Variants in CNTNAP2 observed in about 807,000 individuals in gnomAD.
CNTNAP2 encodes contactin associated protein 2, also known as contactin-associated protein-like 2.
CNTNAP2 carries 98 observed loss-of-function variants against 155.2 expected under a neutral mutation model. The ratio of observed to expected loss-of-function variants is 0.63; its 90% CI spans 0.54 to 0.75. The LOEUF (loss-of-function observed/expected upper bound fraction) is 0.75. Ranked by LOEUF, CNTNAP2 falls within the 30% of genes least tolerant of loss-of-function variation. The pLI, the probability that CNTNAP2 is intolerant of heterozygous loss-of-function variation, is 0.00. For missense variants in CNTNAP2, 1,727 were observed against 1,688.1 expected (o/e 1.02, Z -0.40); for synonymous variants, 651 against 631.2 (o/e 1.03, Z -0.47).
chr7:147,946,859 G>A (rs774589728), intron 14 of CNTNAP2, among the ~76,000 whole-genome samples: 4 of 152,154 alleles, frequency 2.6e-5, no homozygotes, highest in Non-Finnish European at 5.9e-5. Context: ...ATTAATAGGA[G>A]GAAAGGACAT....
chr7:148,334,085 C>T (rs535821921), intron 21 of CNTNAP2, among the ~76,000 whole-genome samples: 6 of 152,320 alleles, frequency 3.9e-5, no homozygotes, highest in Non-Finnish European at 4.4e-5. Context: ...AACAGCAGTT[C>T]TAGTGACTTC....
intron 21 of CNTNAP2, among the ~76,000 whole-genome samples, chr7:148,358,499 T>C (rs1177951): frequency 0.35 from 53,124 of 151,968 alleles, 9,692 homozygotes; most frequent in Non-Finnish European, 0.4. Flanking sequence ...CTGGCCTGCC[T>C]GTTCACCCGC....
intron 4 of CNTNAP2, among the ~76,000 whole-genome samples, chr7:147,093,562 T>C (rs1800460045): frequency 6.6e-6 from 1 of 152,166 alleles, no homozygotes; most frequent in South Asian, 2.1e-4. Context: ...TAGGTTTCAG[T>C]GAGCCTCTGG....
intron 13 of CNTNAP2, among the ~76,000 whole-genome samples, chr7:147,705,616 G>C (rs1584910431): frequency 6.6e-6 from 1 of 152,074 alleles, no homozygotes; most frequent in South Asian, 2.1e-4. Flanking sequence ...ATAATTATCT[G>C]TCTAGATGAT....
intron 1 of CNTNAP2, among the ~76,000 whole-genome samples, chr7:146,405,545 T>C (rs1245426346): frequency 6.6e-6 from 1 of 152,322 alleles, no homozygotes; most frequent in South Asian, 2.1e-4. Context: ...ATAACTAATA[T>C]TACACGTAGG....
intron 1 of CNTNAP2, among the ~76,000 whole-genome samples, chr7:146,206,125 A>G (rs1280627376): frequency 6.6e-6 from 1 of 151,956 alleles, no homozygotes; most frequent in African/African-American, 2.4e-5. Context: ...CAAAAATTAT[A>G]ACATAAGTTT....
intron 13 of CNTNAP2, among the ~76,000 whole-genome samples, chr7:147,830,475 T>G (rs851714): frequency 0.022 from 3,385 of 152,200 alleles, 136 homozygotes; most frequent in African/African-American, 0.077. Context: ...TTTCAGCATA[T>G]TAATTTGGTG....
At chr7:147,749,123 G>T (rs143074382) in intron 13 of CNTNAP2, among the ~76,000 whole-genome samples, 1 of 152,122 alleles carries the variant, frequency 6.6e-6, no homozygotes, top group African/African-American at 2.4e-5. Context: ...AAAGTCAAAA[G>T]AATAAAATAA....
chr7:146,235,225 C>CT lies in CNTNAP2; in HGVS notation c.97+118264dup, dbSNP rs879410253. On this transcript the variant is annotated intron_variant, in intron 1 of 23. Transcript: ENST00000361727. ...TTCACTTATTTTTCCTTTCTACATC[C>CT]TTTTTTTTTTTTAATTGGGAATCTT... Among the ~76,000 whole-genome samples the CT allele has an allele frequency of 7.7e-4, 112 of 145,034 alleles. 1 individual carries two copies. Among genetic ancestry groups the CT allele is most frequent in the South Asian group, 6.6e-4 (3 of 4,546 alleles).
chr7:147,699,048 C>G (rs1201474183), intron 13 of CNTNAP2, among the ~76,000 whole-genome samples: 1 of 151,916 alleles, frequency 6.6e-6, no homozygotes, highest in Non-Finnish European at 1.5e-5. Flanking sequence ...ATAAATTTGA[C>G]TACATGTAAA....
intron 1 of CNTNAP2, among the ~76,000 whole-genome samples, chr7:146,675,240 C>T (rs769111570): frequency 6.6e-6 from 1 of 152,096 alleles, no homozygotes; most frequent in Non-Finnish European, 1.5e-5. Flanking sequence ...TCCAAATTGG[C>T]CTTCTCCCGC....
chr7:146,313,426 T>G (rs1040093713), intron 1 of CNTNAP2, among the ~76,000 whole-genome samples: 1 of 152,228 alleles, frequency 6.6e-6, no homozygotes, highest in African/African-American at 2.4e-5. Flanking sequence ...ATGAGTTAAA[T>G]TCCTCATATG....
At chr7:148,119,783 A>G (rs1302091757) in intron 16 of CNTNAP2, among the ~76,000 whole-genome samples, 1 of 152,042 alleles carries the variant, frequency 6.6e-6, no homozygotes, top group East Asian at 1.9e-4. Flanking sequence ...GAATTTAAAT[A>G]CTCATAAGGC....
intron 14 of CNTNAP2, among the ~76,000 whole-genome samples, chr7:147,904,616 A>G (rs1345422384): frequency 6.6e-6 from 1 of 152,202 alleles, no homozygotes; most frequent in Non-Finnish European, 1.5e-5. Flanking sequence ...TGCTATTTAC[A>G]GGGACAGTTT....
chr7:147,920,018 G>T (rs191409489), intron 14 of CNTNAP2, among the ~76,000 whole-genome samples: 5 of 151,862 alleles, frequency 3.3e-5, no homozygotes, highest in Admixed American at 3.3e-4. Context: ...TCTCACATTG[G>T]TATAGAGTGA....
intron 9 of CNTNAP2, chr7:147,378,195 G>T: frequency 2.4e-5 from 7 of 291,568 alleles, no homozygotes; most frequent in East Asian, 1.0e-4. Context: ...TGACATTGTC[G>T]ATATTCAATC....
intron 4 of CNTNAP2, chr7:147,083,038 T>A (rs1262085877): frequency 1.3e-5 from 2 of 152,122 alleles, no homozygotes; most frequent in African/African-American, 2.4e-5. Flanking sequence ...CCTCTCATCC[T>A]CTCTCGCTGT....
At chr7:146,919,893 A>C (rs79711028) in intron 3 of CNTNAP2, among the ~76,000 whole-genome samples, 5,669 of 152,250 alleles carry the variant, frequency 0.037, 111 homozygotes, top group South Asian at 0.078. Context: ...CAAGTTTACA[A>C]TGTGGGTCTC....
chr7:146,349,211 C>T (rs1794874841), intron 1 of CNTNAP2, among the ~76,000 whole-genome samples: 1 of 152,154 alleles, frequency 6.6e-6, no homozygotes, highest in Admixed American at 6.5e-5. Flanking sequence ...AGAAATAAAT[C>T]ACAAGTTCTG....
Sources: gnomAD v4.1 joint callset for allele counts (sites outside exome capture counted in the v4.1 genomes callset) on GRCh38, gnomAD v4.1.1 for gene constraint, MANE v1.5 for transcripts, NCBI Gene and HGNC (gene_info 2026-07-23, HGNC 2026-07-21) for gene names.